Variants in FGD5 observed in about 807,000 individuals in gnomAD.
FGD5 encodes FYVE, RhoGEF and PH domain-containing protein 5.
A neutral mutation model predicts 133.4 loss-of-function variants in FGD5; 28 were observed. The ratio of observed to expected loss-of-function variants is 0.21; its 90% CI spans 0.16 to 0.29. The LOEUF is 0.29. Ranked by LOEUF, FGD5 falls within the 10% of genes least tolerant of loss-of-function variation. FGD5 has a pLI of 1.00. For synonymous variants in FGD5, 810 were observed against 776.5 expected (o/e 1.04, Z -0.72); for missense variants, 1,858 against 1,895.2 (o/e 0.98, Z 0.36).
At chr3:14,832,278 A>G (rs1380946866) in intron 1 of FGD5, among the ~76,000 whole-genome samples, 3 of 152,318 alleles carry the variant, frequency 2.0e-5, no homozygotes, top group South Asian at 4.1e-4. Context: ...AAGAGGCTTC[A>G]TAGAGCTCTC....
chr3:14,835,007 C>G (rs2036788067), intron 1 of FGD5, among the ~76,000 whole-genome samples: 2 of 152,160 alleles, frequency 1.3e-5, no homozygotes, highest in South Asian at 4.1e-4. Flanking sequence ...AAAACTGAGG[C>G]TTTGAGACAT....
Position 14,854,389 on chromosome 3 carries a change from T to TTTTATTTATTTA in FGD5, c.2526-9704_2526-9693dup, listed in dbSNP as rs71268415. 2.4e-3 allele frequency among the ~76,000 whole-genome samples: 336 copies of TTTTATTTATTTA among 137,602 alleles called. 3 individuals are homozygous for TTTTATTTATTTA. Among genetic ancestry groups the TTTTATTTATTTA allele is most frequent in the East Asian group, 9.3e-3 (43 of 4,610 alleles). The allele number at this position is 137,602 out of a possible 152,430, so 90.3% of individuals were successfully genotyped here. ...GTCCTTTATTTTTTGTTTCTTTTCT[T>TTTTATTTATTTA]TTTATTTATTTATTTATTTATTTAT... On this transcript the variant is annotated intron_variant, in intron 1 of 19. Coordinates refer to ENST00000285046, the MANE Select transcript of FGD5 (RefSeq NM_152536.4).
At chr3:14,822,265 C>A (rs1469731374) in intron 1 of FGD5, among the ~76,000 whole-genome samples, 1 of 152,118 alleles carries the variant, frequency 6.6e-6, no homozygotes, top group Non-Finnish European at 1.5e-5. Context: ...CTTTGCTACT[C>A]GCCTCTGAGA....
upstream of FGD5, chr3:14,810,708 G>A: frequency 1.4e-6 from 1 of 718,658 alleles, no homozygotes; most frequent in African/African-American, 1.9e-5. Context: ...GCGCCGCGCG[G>A]AGTCCGAGGC....
intron 1 of FGD5, among the ~76,000 whole-genome samples, chr3:14,827,862 C>A (rs1375006289): frequency 6.6e-6 from 1 of 152,122 alleles, no homozygotes; most frequent in African/African-American, 2.4e-5. Flanking sequence ...AGATTCTACC[C>A]GCCCGGGGCA....
chr3:14,857,399 C>T (rs887332104), intron 1 of FGD5, among the ~76,000 whole-genome samples: 6 of 152,210 alleles, frequency 3.9e-5, no homozygotes, highest in Non-Finnish European at 8.8e-5. Flanking sequence ...AAGCGATCCT[C>T]CTGCTTCAGC....
Position 14,932,646 on chromosome 3 carries a change from A to G in FGD5, c.4267A>G (p.Ser1423Gly). ...TIAPEKEEGSSEVGPIFHLYH... is the reference protein window; with the variant it reads ...TIAPEKEEGSGEVGPIFHLYH... ...TGCTCCAGAAAAGGAAGAGGGCAGC[A>G]GTGAAGTAGGACCTATTTTTCACCT... Residue 1423 changes from serine (S) to glycine (G), a missense_variant, in exon 19 of 20, where the codon AGT becomes GGT. Ser to Gly is a moderately conservative substitution (Grantham distance 56, BLOSUM62 0). Coordinates refer to ENST00000285046, the MANE Select transcript of FGD5 (RefSeq NM_152536.4). 1 of 1,614,080 alleles carries G rather than the reference A, an allele frequency of 6.2e-7. No homozygotes were observed.
chr3:14,859,015 A>G (rs796720951), intron 1 of FGD5, among the ~76,000 whole-genome samples: 41 of 152,158 alleles, frequency 2.7e-4, no homozygotes, highest in African/African-American at 9.2e-4. Context: ...TGTTGCTGCC[A>G]TTTTTTCATT....
chr3:14,847,504 G>T (rs2037072886), intron 1 of FGD5, among the ~76,000 whole-genome samples: 2 of 152,292 alleles, frequency 1.3e-5, no homozygotes, highest in South Asian at 4.2e-4. Flanking sequence ...AGTCTGTCCT[G>T]GTTGGAGCTT....
At chr3:14,916,433 A>G (rs892648499) in intron 11 of FGD5, among the ~76,000 whole-genome samples, 2 of 152,186 alleles carry the variant, frequency 1.3e-5, no homozygotes, top group Admixed American at 1.3e-4. Context: ...TTAGTTGTTC[A>G]TTCAACAAAT....
At position 14,932,232 on chromosome 3, in the gene FGD5, G is replaced by A. The variant is rs144896720; in HGVS notation, c.4198-345G>A. 17 of 168,090 alleles carry A rather than the reference G, an allele frequency of 1.0e-4. No individual in the cohort carries two copies. In the East Asian group the frequency reaches 2.8e-3, roughly 28 times the overall value. 10.4% of individuals were successfully genotyped at this position (168,090 alleles called of 1,614,324 possible). A position where few individuals can be genotyped will look rare whatever the true frequency, so the allele number is the denominator to read the frequency against. ...CGAGTAGCTGGGATTACAGGCACCT[G>A]CCACCACACCCAGATAATTTTTGTA... is the stretch of plus-strand genomic sequence containing the variant. On this transcript the variant is annotated intron_variant, in intron 18 of 19. Transcript: ENST00000285046.
intron 9 of FGD5, among the ~76,000 whole-genome samples, chr3:14,906,105 T>C (rs2038335172): frequency 6.6e-6 from 1 of 152,152 alleles, no homozygotes; most frequent in African/African-American, 2.4e-5. Flanking sequence ...AGAGCTTTTC[T>C]TTCATTCTTG....
chr3:14,891,396 C>T (rs1185980494), intron 4 of FGD5, among the ~76,000 whole-genome samples: 1 of 152,242 alleles, frequency 6.6e-6, no homozygotes, highest in Non-Finnish European at 1.5e-5. Context: ...GCTCTGATAG[C>T]TCCTGTACAA....
chr3:14,902,300 A>AC (rs2038254581), intron 9 of FGD5, among the ~76,000 whole-genome samples: 1 of 149,248 alleles, frequency 6.7e-6, no homozygotes, highest in Non-Finnish European at 1.5e-5. Context: ...AAAAAAAAAA[A>AC]GTTGACCTGG....
At chr3:14,903,981 A>G (rs1032372504) in intron 9 of FGD5, among the ~76,000 whole-genome samples, 1 of 152,156 alleles carries the variant, frequency 6.6e-6, no homozygotes, top group East Asian at 1.9e-4. Context: ...TTCTGGTGGA[A>G]ATGTCTGGTG....
chr3:14,821,474 G>T lies in FGD5; in HGVS notation c.2403G>T (p.Thr801=). Residue 801 remains threonine (T), a synonymous_variant, in exon 1 of 20, where the codon ACG becomes ACT. Transcript: ENST00000285046. ...GACCTGCCAGGGCTGGCGCGTTCAC[G>T]AAGCTGTTTGAAGATCAGAGCAGAG... ...PRRPARAGAF[T]KLFEDQSRAL... 3 of 1,614,026 alleles carry T rather than the reference G, an allele frequency of 1.9e-6. No homozygotes were observed. The highest frequency in any genetic ancestry group is 2.5e-6 in the Non-Finnish European group (3 of 1,179,912).
intron 1 of FGD5, among the ~76,000 whole-genome samples, chr3:14,813,862 A>G (rs1173065177): frequency 1.3e-5 from 2 of 152,258 alleles, no homozygotes; most frequent in Non-Finnish European, 2.9e-5. Flanking sequence ...AGCAGCAAGC[A>G]TGAACATGTG....
intron 1 of FGD5, among the ~76,000 whole-genome samples, chr3:14,847,452 C>T (rs960382928): frequency 5.9e-5 from 9 of 152,180 alleles, no homozygotes; most frequent in African/African-American, 2.2e-4. Context: ...GAAAGCCGAG[C>T]CCAATTAGCA....
upstream of FGD5, among the ~76,000 whole-genome samples, chr3:14,816,529 C>G (rs183216430): frequency 5.3e-5 from 8 of 152,124 alleles, no homozygotes; most frequent in Non-Finnish European, 1.2e-4. Context: ...TGTGTGGTAC[C>G]CATTTTACAG....
Sources: allele counts gnomAD v4.1 joint callset (sites outside exome capture counted in the v4.1 genomes callset), GRCh38; gene constraint gnomAD v4.1.1; transcripts MANE v1.5; gene names NCBI Gene and HGNC (gene_info 2026-07-23, HGNC 2026-07-21).